TMEM131L: variants seen among roughly 807,000 people sequenced by gnomAD.
TMEM131L encodes transmembrane protein 131-like.
TMEM131L carries 54 observed loss-of-function variants against 192.2 expected under a neutral mutation model. The observed-to-expected ratio is 0.28, with a 90% CI of 0.23 to 0.35. TMEM131L has a LOEUF of 0.35. Ranked by LOEUF, TMEM131L falls within the 10% of genes least tolerant of loss-of-function variation. The probability of loss-of-function intolerance (pLI) is 1.00; values close to 1 mark genes in which losing one functional copy is unlikely to be tolerated. For synonymous variants in TMEM131L, 701 were observed against 704.9 expected, an observed-to-expected ratio of 0.99 and a Z score of 0.09; for missense variants, 1,888 against 1,972.9, an observed-to-expected ratio of 0.96 and a Z score of 0.82.
At position 153,627,663 on chromosome 4, in the gene TMEM131L, C is replaced by T; in HGVS notation, c.4183C>T (p.Pro1395Ser). The T allele has an allele frequency of 6.2e-7, 1 of 1,613,906 alleles. No homozygotes were observed. Among genetic ancestry groups the T allele is most frequent in the Non-Finnish European group, 8.5e-7 (1 of 1,179,774 alleles). Residue 1395 changes from proline to serine, a missense_variant, in exon 31 of 35, where the codon CCC becomes TCC. By Grantham distance (74) the Pro-to-Ser change is moderately conservative. Coordinates refer to ENST00000409959, the MANE Select transcript of TMEM131L (RefSeq NM_001131007.2). Reference sequence around the variant, plus strand: ...TTCCTGTCCCAGCCTTCCTGCCGGGCCCACAGGTGTTGAAGAAGATAAAGG... The same window carrying T: ...TTCCTGTCCCAGCCTTCCTGCCGGGTCCACAGGTGTTGAAGAAGATAAAGG... ...EPSCPSLPAG[P>S]TGVEEDKGLY...
chr4:153,600,983 G>A (rs1448639423), intron 21 of TMEM131L, among the ~76,000 whole-genome samples: 1 of 152,032 alleles, frequency 6.6e-6, no homozygotes, highest in East Asian at 1.9e-4. Flanking sequence ...GGTGGCACAT[G>A]CCTGTAATCC....
intron 3 of TMEM131L, among the ~76,000 whole-genome samples, chr4:153,483,614 G>A (rs1561119262): frequency 1.3e-5 from 2 of 152,158 alleles, no homozygotes; most frequent in Non-Finnish European, 2.9e-5. Flanking sequence ...GCTCACTTGA[G>A]CCCAGGAGGT....
At chr4:153,470,853 A>G (rs934372606) in intron 2 of TMEM131L, among the ~76,000 whole-genome samples, 1 of 152,228 alleles carries the variant, frequency 6.6e-6, no homozygotes, top group African/African-American at 2.4e-5. Context: ...TCCAACACGT[A>G]TCTGTTGAAT....
chr4:153,467,608 A>G (rs2149694456), intron 2 of TMEM131L, among the ~76,000 whole-genome samples: 1 of 152,348 alleles, frequency 6.6e-6, no homozygotes, highest in East Asian at 1.9e-4. Context: ...TGCTGTGTGG[A>G]TGGCAAGTGG....
At chr4:153,547,427 A>G (rs1045509325) in intron 3 of TMEM131L, among the ~76,000 whole-genome samples, 1 of 152,230 alleles carries the variant, frequency 6.6e-6, no homozygotes, top group Non-Finnish European at 1.5e-5. Flanking sequence ...CTTTAAGCTC[A>G]ATCAGCTTCT....
At chr4:153,517,896 C>A (rs1459652592) in intron 3 of TMEM131L, among the ~76,000 whole-genome samples, 3 of 152,092 alleles carry the variant, frequency 2.0e-5, no homozygotes, top group Non-Finnish European at 1.5e-5. Flanking sequence ...TTGTTTAAAG[C>A]CTTTAGACTG....
intron 1 of TMEM131L, 70 bp downstream of exon 1, chr4:153,466,591 T>C (rs1730762738): frequency 3.2e-6 from 4 of 1,237,690 alleles, no homozygotes; most frequent in Non-Finnish European, 3.1e-6. Flanking sequence ...AGGGAACTGC[T>C]GAAATCTATA....
intron 30 of TMEM131L, 108 bp downstream of exon 30, chr4:153,626,333 C>T: frequency 2.9e-6 from 2 of 699,664 alleles, no homozygotes; most frequent in Non-Finnish European, 4.8e-6. Context: ...AATATGAAAA[C>T]TTTTTAAAGA....
At chr4:153,558,605 A>T in intron 7 of TMEM131L, 1 of 312,216 alleles carries the variant, frequency 3.2e-6, no homozygotes. Context: ...CCTGTTTTTC[A>T]CTGTTATTAC....
chr4:153,598,556 A>G (rs747402707), intron 20 of TMEM131L, 34 bp from the exon 21 acceptor site: 8 of 1,583,152 alleles, frequency 5.1e-6, no homozygotes, highest in Non-Finnish European at 6.9e-6. Flanking sequence ...GACTCCATGT[A>G]ATGCCTTTTT....
At chr4:153,557,235 C>T (rs1728532216) in intron 6 of TMEM131L, among the ~76,000 whole-genome samples, 153 bp downstream of exon 6, 1 of 152,208 alleles carries the variant, frequency 6.6e-6, no homozygotes. Context: ...CATCAGCATT[C>T]ACCCTTTTCT....
At chr4:153,519,831 G>A (rs1012726065) in intron 3 of TMEM131L, among the ~76,000 whole-genome samples, 2 of 152,208 alleles carry the variant, frequency 1.3e-5, no homozygotes, top group African/African-American at 4.8e-5. Flanking sequence ...TCAAGTGTCA[G>A]TTATGTGCAA....
intron 7 of TMEM131L, among the ~76,000 whole-genome samples, chr4:153,571,192 C>G (rs967897725): frequency 6.6e-6 from 1 of 152,162 alleles, no homozygotes; most frequent in Non-Finnish European, 1.5e-5. Context: ...GTTGCATAAT[C>G]TTACATAAGA....
At chr4:153,561,539 T>G (rs1358906127) in intron 7 of TMEM131L, among the ~76,000 whole-genome samples, 10 of 152,228 alleles carry the variant, frequency 6.6e-5, no homozygotes, top group African/African-American at 2.4e-4. Flanking sequence ...AGTTTTAGCA[T>G]ATGGTGTGAG....
chr4:153,493,965 G>A (rs910903097), intron 3 of TMEM131L, among the ~76,000 whole-genome samples: 10 of 152,300 alleles, frequency 6.6e-5, no homozygotes, highest in Admixed American at 2.6e-4. Context: ...GGCTGACACC[G>A]TTCCCTGGCT....
intron 3 of TMEM131L, among the ~76,000 whole-genome samples, chr4:153,512,857 C>T (rs578152174): frequency 1.0e-3 from 158 of 152,248 alleles, no homozygotes; most frequent in Non-Finnish European, 1.3e-3. Flanking sequence ...CGTGATCCGC[C>T]GACCTCAGCC....
At chr4:153,576,871 C>G (rs142546148) in intron 7 of TMEM131L, among the ~76,000 whole-genome samples, 172 of 152,220 alleles carry the variant, frequency 1.1e-3, no homozygotes, top group South Asian at 0.01. Flanking sequence ...AGCTGATTCC[C>G]TAGCATCTGT....
chr4:153,534,703 G>T (rs1363611152), intron 3 of TMEM131L, among the ~76,000 whole-genome samples: 1 of 152,236 alleles, frequency 6.6e-6, no homozygotes, highest in Non-Finnish European at 1.5e-5. Context: ...AATGTGCTAG[G>T]ATTACAGGCG....
intron 7 of TMEM131L, 61 bp downstream of exon 7, chr4:153,558,429 A>G: frequency 1.0e-6 from 1 of 967,682 alleles, no homozygotes. Context: ...CCTTCTCAGA[A>G]TTGGTTATTT....
Sources: gnomAD v4.1 joint callset for allele counts (sites outside exome capture counted in the v4.1 genomes callset) on GRCh38, gnomAD v4.1.1 for gene constraint, MANE v1.5 for transcripts, NCBI Gene and HGNC (gene_info 2026-07-23, HGNC 2026-07-21) for gene names.